RPTOR: variants seen among roughly 807,000 people sequenced by gnomAD.
The protein encoded by RPTOR is regulatory associated protein of MTOR complex 1.
A neutral mutation model predicts 169.9 loss-of-function variants in RPTOR; 21 were observed. The observed-to-expected ratio is 0.12, with a 90% confidence interval of 0.09 to 0.18. The LOEUF (loss-of-function observed/expected upper bound fraction) is 0.18. RPTOR is among the 10% of genes least tolerant of loss of function. RPTOR has a pLI of 1.00. For missense variants in RPTOR, 1,133 were observed against 1,855.9 expected (o/e 0.61, Z 7.16); for synonymous variants, 732 against 753.2 (o/e 0.97, Z 0.46).
At chr17:80,875,174 A>G (rs930469621) in intron 13 of RPTOR, among the ~76,000 whole-genome samples, 2 of 152,174 alleles carry the variant, frequency 1.3e-5, no homozygotes, top group Non-Finnish European at 2.9e-5. Flanking sequence ...GTCTCTTCCC[A>G]TGGCATCTTT....
chr17:80,955,397 C>A (rs2069235479), intron 28 of RPTOR, among the ~76,000 whole-genome samples: 1 of 152,172 alleles, frequency 6.6e-6, no homozygotes, highest in African/African-American at 2.4e-5. Flanking sequence ...GCAGTGATAC[C>A]CCTACCTCAC....
intron 21 of RPTOR, among the ~76,000 whole-genome samples, chr17:80,914,129 G>C (rs2068644448): frequency 6.6e-6 from 1 of 152,262 alleles, no homozygotes; most frequent in African/African-American, 2.4e-5. Context: ...TGATGGCAGT[G>C]GCAGCCAGTC....
chr17:80,703,975 C>A (rs796292460), intron 3 of RPTOR, among the ~76,000 whole-genome samples: 18 of 152,246 alleles, frequency 1.2e-4, no homozygotes, highest in African/African-American at 4.3e-4. Flanking sequence ...ATAGCTGATG[C>A]GTTTGGTTTG....
chr17:80,837,068 G>A (rs1035959383), intron 9 of RPTOR, among the ~76,000 whole-genome samples: 3 of 152,182 alleles, frequency 2.0e-5, no homozygotes, highest in African/African-American at 7.2e-5. Flanking sequence ...GGAGCCCGGG[G>A]AGGAGGCTGT....
At chr17:80,907,477 C>G (rs2068557867) in intron 20 of RPTOR, among the ~76,000 whole-genome samples, 1 of 152,266 alleles carries the variant, frequency 6.6e-6, no homozygotes, top group Non-Finnish European at 1.5e-5. Context: ...CGGCCCAGCC[C>G]TTGCTGGACA....
intron 5 of RPTOR, among the ~76,000 whole-genome samples, chr17:80,744,515 G>T (rs78271484): frequency 0.48 from 884 of 1,838 alleles, 164 homozygotes; most frequent in East Asian, 0.57. Context: ...TCCTGGTTAC[G>T]AGCACAGCCC....
In RPTOR at chr17:80,682,222, G is replaced by A. The variant is rs536419407; in HGVS notation, c.349-25619G>A. Among the ~76,000 whole-genome samples the A allele has an allele frequency of 2.0e-5, 3 of 150,312 alleles. No individual in the cohort carries two copies. In the East Asian group the frequency reaches 5.9e-4, roughly 30 times the overall value. ...GGGCTCAAGCCATCCTCCCACCTCA[G>A]CCTCCCAAGTATCTAGAACTACAGA... On this transcript the variant is annotated intron_variant, in intron 3 of 33. Transcript: ENST00000306801.
chr17:80,729,557 G>A (rs2066371428), intron 4 of RPTOR, among the ~76,000 whole-genome samples: 2 of 152,178 alleles, frequency 1.3e-5, no homozygotes, highest in South Asian at 4.1e-4. Context: ...CAGCAGATTA[G>A]TGTTACTAGG....
chr17:80,670,218 C>T (rs12103617), intron 3 of RPTOR, among the ~76,000 whole-genome samples: 2,074 of 152,242 alleles, frequency 0.014, 58 homozygotes, highest in African/African-American at 0.046. Context: ...GTCTCATTTC[C>T]GACCATAATA....
chr17:80,593,092 C>T (rs181392440), intron 1 of RPTOR, among the ~76,000 whole-genome samples: 200 of 152,260 alleles, frequency 1.3e-3, no homozygotes, highest in African/African-American at 4.4e-3. Context: ...TAGTGGGATC[C>T]GGGAGGGGCC....
At chr17:80,676,720 C>A (rs951816257) in intron 3 of RPTOR, among the ~76,000 whole-genome samples, 1 of 152,242 alleles carries the variant, frequency 6.6e-6, no homozygotes, top group Non-Finnish European at 1.5e-5. Flanking sequence ...TGGAAGCCTG[C>A]GTGGTGGCTG....
At chr17:80,703,527 C>G (rs968010409) in intron 3 of RPTOR, among the ~76,000 whole-genome samples, 1 of 152,140 alleles carries the variant, frequency 6.6e-6, no homozygotes, top group African/African-American at 2.4e-5. Context: ...CAGGAACACC[C>G]ATTCCGCCTT....
chr17:80,759,058 C>T (rs527615372), intron 6 of RPTOR, among the ~76,000 whole-genome samples: 14 of 151,828 alleles, frequency 9.2e-5, no homozygotes, highest in Admixed American at 8.5e-4. Flanking sequence ...CAGCTGTGCA[C>T]TCCCAAAGAC....
intron 3 of RPTOR, among the ~76,000 whole-genome samples, chr17:80,662,548 C>A (rs1358707438): frequency 6.6e-6 from 1 of 151,896 alleles, no homozygotes; most frequent in Non-Finnish European, 1.5e-5. Context: ...TGGGTGGGGC[C>A]ACAGGATGGG....
intron 2 of RPTOR, among the ~76,000 whole-genome samples, chr17:80,626,206 A>G (rs1182944328): frequency 6.6e-6 from 1 of 151,986 alleles, no homozygotes; most frequent in African/African-American, 2.4e-5. Context: ...GCACCCGCCA[A>G]CACACCCAGC....
chr17:80,949,359 G>C (rs2069144436), intron 27 of RPTOR, 84 bp from the exon 28 acceptor site: 3 of 1,187,482 alleles, frequency 2.5e-6, no homozygotes, highest in Non-Finnish European at 3.8e-6. Flanking sequence ...ACGTCTGCCA[G>C]GAAGGGCTCT....
At chr17:80,910,172 C>T (rs1184709857) in intron 21 of RPTOR, among the ~76,000 whole-genome samples, 1 of 152,194 alleles carries the variant, frequency 6.6e-6, no homozygotes, top group Non-Finnish European at 1.5e-5. Context: ...GCCCCAGTCT[C>T]TGTCTCCTGT....
At chr17:80,585,553 C>A (rs1454367689) in intron 1 of RPTOR, among the ~76,000 whole-genome samples, 1 of 152,192 alleles carries the variant, frequency 6.6e-6, no homozygotes, top group Non-Finnish European at 1.5e-5. Context: ...GGCTGCTGCA[C>A]CCGTTAGGGT....
chr17:80,893,947 A>C, intron 20 of RPTOR, 82 bp downstream of exon 20: 1 of 1,348,682 alleles, frequency 7.4e-7, no homozygotes, highest in Non-Finnish European at 9.9e-7. Flanking sequence ...CTGTGTCTGC[A>C]TCAGGTCAGT....
Sources: gnomAD v4.1 joint callset for allele counts (sites outside exome capture counted in the v4.1 genomes callset) on GRCh38, gnomAD v4.1.1 for gene constraint, MANE v1.5 for transcripts, NCBI Gene and HGNC (gene_info 2026-07-23, HGNC 2026-07-21) for gene names.